Variants in DMD observed in about 807,000 individuals in gnomAD.
The protein encoded by DMD is mutant dystrophin.
A neutral mutation model predicts 330.1 loss-of-function variants in DMD; 63 were observed. That is an observed-to-expected ratio of 0.19 (90% CI 0.16 to 0.24). The LOEUF (loss-of-function observed/expected upper bound fraction) is 0.24, where lower values mean the gene tolerates loss of function less well. DMD is among the 10% of genes least tolerant of loss of function. The pLI is 1.00. For synonymous variants in DMD, 1,223 were observed against 959.8 expected (o/e 1.27, Z -5.07); for missense variants, 3,344 against 2,684.1 (o/e 1.25, Z -5.43).
intron 7 of DMD, among the ~76,000 whole-genome samples, chrX:32,769,184 C>G (rs748223094): frequency 2.7e-5 from 3 of 112,354 alleles, no homozygotes; most frequent in African/African-American, 9.7e-5. Flanking sequence ...CGAGACTGGA[C>G]GATTTACAAA....
chrX:32,460,256 A>G (rs959824391), intron 25 of DMD, among the ~76,000 whole-genome samples: 5 of 110,952 alleles, frequency 4.5e-5, no homozygotes, highest in South Asian at 7.6e-4. Context: ...AAAAGGAACT[A>G]CACTACACTG....
At chrX:32,580,209 C>T (rs942134806) in intron 13 of DMD, among the ~76,000 whole-genome samples, 8 of 111,123 alleles carry the variant, frequency 7.2e-5, no homozygotes, top group African/African-American at 2.3e-4. Context: ...TTTTATACCT[C>T]GCAGACTCTG....
chrX:32,087,309 T>C (rs909255413), intron 44 of DMD, among the ~76,000 whole-genome samples: 1 of 111,602 alleles, frequency 9.0e-6, no homozygotes, highest in African/African-American at 3.3e-5. Flanking sequence ...TATTTCAGGG[T>C]CTTTTCTCAA....
intron 36 of DMD, 91 bp from the exon 37 acceptor site, chrX:32,363,049 G>C: frequency 1.1e-6 from 1 of 877,036 alleles, no homozygotes; most frequent in Non-Finnish European, 1.6e-6. Flanking sequence ...GAGTGAGCAA[G>C]TGAGCGAGAA....
At chrX:32,733,624 C>G (rs1192889086) in intron 7 of DMD, among the ~76,000 whole-genome samples, 1 of 111,522 alleles carries the variant, frequency 9.0e-6, no homozygotes, top group East Asian at 2.8e-4. Context: ...CAAAACCGCT[C>G]AACTACATGG....
At chrX:33,195,953 C>T (rs992079608) in intron 1 of DMD, among the ~76,000 whole-genome samples, 3 of 111,417 alleles carry the variant, frequency 2.7e-5, no homozygotes, top group Non-Finnish European at 5.6e-5. Context: ...GCTATCTCCT[C>T]AAGGAGCAAG....
intron 42 of DMD, among the ~76,000 whole-genome samples, chrX:32,297,610 G>A (rs2097503387): frequency 9.0e-6 from 1 of 111,422 alleles, no homozygotes. Flanking sequence ...ATATACTAGT[G>A]ATCCAGAAAG....
intron 1 of DMD, 143 bp downstream of exon 1, chrX:33,211,136 TACA>T: frequency 1.6e-6 from 1 of 631,499 alleles, no homozygotes; most frequent in Non-Finnish European, 2.3e-6. Flanking sequence ...CCTGAATAAA[TACA>T]TATATATATG....
At chrX:31,855,719 C>T (rs983312955) in intron 48 of DMD, among the ~76,000 whole-genome samples, 1 of 102,870 alleles carries the variant, frequency 9.7e-6, no homozygotes, top group African/African-American at 3.4e-5. Flanking sequence ...GAATTAAACT[C>T]GTATTTTTTT....
At chrX:31,853,337 GT>G (rs2093563395) in intron 48 of DMD, among the ~76,000 whole-genome samples, 1 of 112,763 alleles carries the variant, frequency 8.9e-6, no homozygotes, top group African/African-American at 3.2e-5. Context: ...ATGTGGCTGT[GT>G]TCCAATAACT....
intron 44 of DMD, among the ~76,000 whole-genome samples, chrX:32,079,748 T>G (rs2096378587): frequency 8.9e-6 from 1 of 112,379 alleles, no homozygotes; most frequent in African/African-American, 3.2e-5. Context: ...TAAAGTCTCT[T>G]TATGTATATT....
chrX:32,213,892 T>G (rs1224351610), intron 44 of DMD, among the ~76,000 whole-genome samples: 1 of 109,993 alleles, frequency 9.1e-6, no homozygotes, highest in Non-Finnish European at 1.9e-5. Context: ...GAGAATTGCT[T>G]GAAGCCTGGA....
rs1555970436 is a variant in DMD at position 31,120,753 on chromosome X, G to GGAGT, written c.*1162_*1165dup. ...CCTATCATCGTCCTGCTACTGCTTG[G>GGAGT]GAGTTAAAAAATACCTTCTGATGTT... is the stretch of plus-strand genomic sequence containing the variant. On this transcript the variant is annotated 3_prime_UTR_variant, in exon 79 of 79. Transcript: ENST00000357033. The GGAGT allele has an allele frequency of 9.1e-6, 1 of 110,064 alleles. No homozygotes were observed. Among genetic ancestry groups the GGAGT allele is most frequent in the South Asian group, 3.9e-4 (1 of 2,570 alleles). 9.1% of individuals were successfully genotyped at this position (110,064 alleles called of 1,213,427 possible).
At chrX:32,415,559 C>A (rs765461437) in intron 29 of DMD, among the ~76,000 whole-genome samples, 1 of 112,469 alleles carries the variant, frequency 8.9e-6, no homozygotes, top group East Asian at 2.8e-4. Context: ...TGTGCTGTCT[C>A]ATTGAATGAA....
intron 55 of DMD, among the ~76,000 whole-genome samples, chrX:31,625,221 T>C (rs2078773281): frequency 8.9e-6 from 1 of 112,296 alleles, no homozygotes; most frequent in South Asian, 3.7e-4. Context: ...GGAAACTGTC[T>C]CTGTTTTAAA....
intron 41 of DMD, among the ~76,000 whole-genome samples, chrX:32,332,349 T>C (rs1438694242): frequency 9.2e-6 from 1 of 108,247 alleles, no homozygotes; most frequent in African/African-American, 3.4e-5. Context: ...AGAAGGAAAA[T>C]ATTGAGAACT....
At chrX:31,296,933 T>C (rs778046905) in intron 62 of DMD, among the ~76,000 whole-genome samples, 1 of 112,183 alleles carries the variant, frequency 8.9e-6, no homozygotes, top group South Asian at 3.7e-4. Flanking sequence ...TTCTTAGTCA[T>C]TTGAATTTCT....
At chrX:32,526,627 G>A (rs1470701677) in intron 17 of DMD, among the ~76,000 whole-genome samples, 1 of 111,321 alleles carries the variant, frequency 9.0e-6, no homozygotes, top group Non-Finnish European at 1.9e-5. Flanking sequence ...ATGTAAATTA[G>A]GTTAATTACA....
chrX:31,706,517 A>G (rs1191256066), intron 52 of DMD, among the ~76,000 whole-genome samples: 1 of 106,915 alleles, frequency 9.4e-6, no homozygotes, highest in African/African-American at 3.4e-5. Flanking sequence ...CACAAAAACC[A>G]CTCCTCTCCT....
Sources: gnomAD v4.1 joint callset for allele counts (sites outside exome capture counted in the v4.1 genomes callset) on GRCh38, gnomAD v4.1.1 for gene constraint, MANE v1.5 for transcripts, NCBI Gene and HGNC (gene_info 2026-07-23, HGNC 2026-07-21) for gene names.